HDDC3: variants seen among roughly 807,000 people sequenced by gnomAD.
HDDC3 encodes the protein HD domain containing 3.
HDDC3 carries 18 observed loss-of-function variants against 19.1 expected under a neutral mutation model. The observed-to-expected ratio is 0.94, with a 90% CI of 0.65 to 1.40. HDDC3 has a LOEUF of 1.40. Among genes scored for constraint, HDDC3 ranks in the 40% most tolerant of loss-of-function variants. The pLI is 0.00. For missense variants in HDDC3, 250 were observed against 228.9 expected (o/e 1.09, Z -0.59); for synonymous variants, 107 against 99.4 (o/e 1.08, Z -0.46).
rs1351146262 is a variant in HDDC3, at chr15:90,931,402, C to A, written c.413G>T (p.Trp138Leu). 1.9e-6 allele frequency: 3 copies of A among 1,583,114 alleles called. No individual in the cohort carries two copies. Among genetic ancestry groups the A allele is most frequent in the Non-Finnish European group, 2.6e-6 (3 of 1,163,868 alleles). The change falls in exon 4 of 4, where the codon TGG becomes TTG. Residue 138 changes from tryptophan (W) to leucine (L), a missense_variant. Transcript: ENST00000394272. ...GTATTCCTGGACTCGATGTTCTGAC[C>A]ATCCTGCATAAGAGTCGACAGAAAC... ...RDLNRCTPEG[W>L]SEHRVQEYFE...
chr15:90,932,471 G>A lies in HDDC3; in HGVS notation c.70C>T (p.Arg24Trp), dbSNP rs2035836974. 4 of 1,324,162 alleles carry A rather than the reference G, an allele frequency of 3.0e-6. No homozygotes were observed. The highest frequency in any genetic ancestry group is 2.9e-5 in the East Asian group (1 of 34,016). 82.0% of individuals were successfully genotyped at this position (1,324,162 alleles called of 1,614,324 possible). A position where few individuals can be genotyped will look rare whatever the true frequency, so the allele number is the denominator to read the frequency against. The change falls in exon 1 of 4, where the codon CGG (arginine) becomes TGG (tryptophan). Residue 24 changes from arginine (R) to tryptophan (W), a missense_variant. Physicochemically the swap from Arg to Trp is moderately radical, Grantham distance 101 (BLOSUM62 -3). Coordinates refer to ENST00000394272, the MANE Select transcript of HDDC3 (RefSeq NM_001286451.2). ...FAARKHRQQR[R>W]KDPEGTPYIN... ...TAGGGGGTCCCCTCGGGGTCCTTCCGCCGCTGCTGCCGGTGCTTGCGAGCC... is the reference window on the plus strand; with the variant it reads ...TAGGGGGTCCCCTCGGGGTCCTTCCACCGCTGCTGCCGGTGCTTGCGAGCC...
intron 1 of HDDC3, 136 bp from the exon 2 acceptor site, chr15:90,932,246 T>G (rs1486780992): frequency 1.3e-5 from 13 of 996,296 alleles, no homozygotes. Context: ...CCTTACCCTC[T>G]GGGAGCCAAC....
At chr15:90,931,517 G>C in intron 3 of HDDC3, 112 bp from the exon 4 acceptor site, 1 of 1,614,180 alleles carries the variant, frequency 6.2e-7, no homozygotes, top group South Asian at 1.1e-5. Context: ...GGAATGAGCT[G>C]TCCTGAAAAC....
intron 3 of HDDC3, 114 bp from the exon 4 acceptor site, chr15:90,931,519 C>A: frequency 6.2e-7 from 1 of 1,614,148 alleles, no homozygotes; most frequent in South Asian, 1.1e-5. Flanking sequence ...AATGAGCTGT[C>A]CTGAAAACTT....
intron 1 of HDDC3, 129 bp from the exon 2 acceptor site, chr15:90,932,239 T>C: frequency 9.4e-7 from 1 of 1,069,328 alleles, no homozygotes; most frequent in Non-Finnish European, 1.3e-6. Context: ...TCAAGTACCT[T>C]ACCCTCTGGG....
Position 90,932,536 on chromosome 15 carries a change from C to T in HDDC3, c.5G>A (p.Gly2Asp). The change falls in exon 1 of 4, where the codon GGC becomes GAC. Residue 2 changes from glycine (G) to aspartate (D), a missense_variant. Transcript: ENST00000394272. ...CTCCAGCAGCTGCGCCGCCTCAGAG[C>T]CCATCGCGCGGATGGGGCCGACGAC... MGSEAAQLLEAA... is the reference protein window; with the variant it reads MDSEAAQLLEAA... The T allele has an allele frequency of 2.4e-6, 3 of 1,264,764 alleles. No homozygotes were observed. The highest frequency in any genetic ancestry group is 6.0e-5 in the South Asian group (2 of 33,450). 78.3% of individuals were successfully genotyped at this position (1,264,764 alleles called of 1,614,324 possible). A position where few individuals can be genotyped will look rare whatever the true frequency, so the allele number is the denominator to read the frequency against.
Position 90,931,103 on chromosome 15 carries a change from T to A in HDDC3, c.*172A>T. Reference sequence around the variant, plus strand: ...ACATCTGATTCCCACCACGCGGGGCTCAGCTTAGTTAGCAGGAGACCTTCA... The same window carrying A: ...ACATCTGATTCCCACCACGCGGGGCACAGCTTAGTTAGCAGGAGACCTTCA... On this transcript the variant is annotated 3_prime_UTR_variant, in exon 4 of 4. Transcript: ENST00000394272. 2.8e-6 allele frequency: 2 copies of A among 714,446 alleles called. No homozygotes were observed. Among genetic ancestry groups the A allele is most frequent in the Non-Finnish European group, 4.5e-6 (2 of 440,686 alleles). 44.3% of individuals were successfully genotyped at this position (714,446 alleles called of 1,614,324 possible). A position where few individuals can be genotyped will look rare whatever the true frequency, so the allele number is the denominator to read the frequency against.
chr15:90,932,300 G>A (rs556870351), intron 1 of HDDC3, 129 bp downstream of exon 1: 9 of 813,688 alleles, frequency 1.1e-5, no homozygotes, highest in Admixed American at 3.1e-5. Context: ...TTGTTATGAG[G>A]CTTAAACGGT....
chr15:90,931,990 G>T, intron 2 of HDDC3, 46 bp from the exon 3 acceptor site: 1 of 1,613,884 alleles, frequency 6.2e-7, no homozygotes. Context: ...GCCAAGGGTT[G>T]CCCATTGCTG....
rs2035774523 is a variant in HDDC3, at chr15:90,931,135, G to A, written c.*140C>T. 9.4e-7 allele frequency: 1 copy of A among 1,060,996 alleles called. No homozygotes were observed. The highest frequency in any genetic ancestry group is 1.3e-6 in the Non-Finnish European group (1 of 741,224). The allele number at this position is 1,060,996 out of a possible 1,614,324, so 65.7% of individuals were successfully genotyped here. A position where few individuals can be genotyped will look rare whatever the true frequency, so the allele number is the denominator to read the frequency against. On this transcript the variant is annotated 3_prime_UTR_variant, in exon 4 of 4. Transcript: ENST00000394272. Reference sequence around the variant, plus strand: ...AGTTAGCAGGAGACCTTCAGACTGAGAAAAAATGCAAGTCTTTTTTTGGCC... The same window carrying A: ...AGTTAGCAGGAGACCTTCAGACTGAAAAAAAATGCAAGTCTTTTTTTGGCC...
intron 1 of HDDC3, 83 bp downstream of exon 1, chr15:90,932,346 A>G (rs568910840): frequency 7.4e-5 from 66 of 887,348 alleles, no homozygotes; most frequent in Non-Finnish European, 9.8e-5. Context: ...CAGGTGCTCA[A>G]TGAGGTGCAC....
At chr15:90,932,569 G>C (rs1347142005), upstream of HDDC3, 4 of 1,204,642 alleles carry the variant, frequency 3.3e-6, no homozygotes. Context: ...GACTGCGGCC[G>C]CAGGGGCAGG....
intron 1 of HDDC3, 141 bp from the exon 2 acceptor site, chr15:90,932,251 G>A (rs2035826845): frequency 5.2e-6 from 5 of 952,430 alleles, no homozygotes; most frequent in Non-Finnish European, 7.7e-6. Context: ...CCCTCTGGGA[G>A]CCAACCGACA....
At position 90,931,693 on chromosome 15, in the gene HDDC3, C is replaced by T. The variant is rs957292376; in HGVS notation, c.409+11G>A. Reference sequence around the variant, plus strand: ...CCTCCCTTTTCCCTTACAGCCCATACGAAAGCGTACCCTCTGGGGTGCAGC... The same window carrying T: ...CCTCCCTTTTCCCTTACAGCCCATATGAAAGCGTACCCTCTGGGGTGCAGC... On this transcript the variant is annotated intron_variant, in intron 3 of 3. Coordinates refer to ENST00000394272, the MANE Select transcript of HDDC3 (RefSeq NM_001286451.2). The T allele has an allele frequency of 6.2e-7, 1 of 1,613,994 alleles. No individual in the cohort carries two copies.
In HDDC3 at chr15:90,932,547, G is replaced by A. The variant is rs745690960; in HGVS notation, c.-7C>T. ...GCGCCGCCTCAGAGCCCATCGCGCG[G>A]ATGGGGCCGACGACTGCGGCCGCAG... is the stretch of plus-strand genomic sequence containing the variant. On this transcript the variant is annotated 5_prime_UTR_variant, in exon 1 of 4. Transcript: ENST00000394272. The A allele has an allele frequency of 4.1e-5, 52 of 1,254,688 alleles. No individual in the cohort carries two copies. In the African/African-American group the frequency reaches 7.4e-4, roughly 18 times the overall value. The allele number at this position is 1,254,688 out of a possible 1,614,324, so 77.7% of individuals were successfully genotyped here.
At position 90,932,054 on chromosome 15, in the gene HDDC3, C is replaced by T. The variant is rs746267075; in HGVS notation, c.168+1G>A. The T allele has an allele frequency of 6.1e-5, 98 of 1,613,290 alleles. No homozygotes were observed. Among genetic ancestry groups the T allele is most frequent in the Non-Finnish European group, 8.1e-5 (95 of 1,179,656 alleles). ...TCCTGGCAGAGAAGGGGGAAAGTTA[C>T]CTGTAACACCACAATGTCAGTGATT... On this transcript the variant is annotated splice_donor_variant, in intron 2 of 3. Coordinates refer to ENST00000394272, the MANE Select transcript of HDDC3 (RefSeq NM_001286451.2). LOFTEE classifies it high-confidence loss of function.
At chr15:90,932,014 A>G (rs1449189130) in intron 2 of HDDC3, 41 bp downstream of exon 2, 3 of 1,613,968 alleles carry the variant, frequency 1.9e-6, no homozygotes, top group Non-Finnish European at 2.5e-6. Flanking sequence ...GGGGCCCCTA[A>G]TCCCCATCCC....
In HDDC3 at chr15:90,932,425, C is replaced by T; in HGVS notation, c.112+4G>A. ...AGCCGGCGCTCCGCGGCCGACGCGC[C>T]CACCGATGGGGTGGTTGATGTAGGG... On this transcript the variant is annotated splice_donor_region_variant and intron_variant, in intron 1 of 3. Coordinates refer to ENST00000394272, the MANE Select transcript of HDDC3 (RefSeq NM_001286451.2). 7.4e-7 allele frequency: 1 copy of T among 1,347,754 alleles called. No individual in the cohort carries two copies. The highest frequency in any genetic ancestry group is 9.5e-7 in the Non-Finnish European group (1 of 1,050,014). 83.5% of individuals were successfully genotyped at this position (1,347,754 alleles called of 1,614,324 possible).
chr15:90,931,616 C>G, intron 3 of HDDC3, 88 bp downstream of exon 3: 1 of 1,613,954 alleles, frequency 6.2e-7, no homozygotes. Flanking sequence ...TAAGAATGCC[C>G]AGGGTTTTTC....
Sources: allele counts gnomAD v4.1 joint callset, GRCh38; gene constraint gnomAD v4.1.1; transcripts MANE v1.5; gene names NCBI Gene and HGNC (gene_info 2026-07-23, HGNC 2026-07-21).